SLC6A11: variants seen among roughly 807,000 people sequenced by gnomAD.
The protein encoded by SLC6A11 is sodium- and chloride-dependent GABA transporter 3.
SLC6A11 carries 25 observed loss-of-function variants against 74.8 expected under a neutral mutation model. The observed-to-expected ratio is 0.33, with a 90% confidence interval of 0.24 to 0.47. The LOEUF (loss-of-function observed/expected upper bound fraction) is 0.47. Among genes scored for constraint, SLC6A11 ranks in the 20% least tolerant of loss-of-function variants. The pLI, the probability that SLC6A11 is intolerant of heterozygous loss-of-function variation, is 1.00. For synonymous variants in SLC6A11, 330 were observed against 330.2 expected (o/e 1.00, Z 0.01); for missense variants, 574 against 837.0 (o/e 0.69, Z 3.88).
intron 5 of SLC6A11, among the ~76,000 whole-genome samples, chr3:10,862,111 C>A (rs1694709739): frequency 6.6e-6 from 1 of 152,152 alleles, no homozygotes; most frequent in Admixed American, 6.5e-5. Context: ...CTGGCAGTGT[C>A]CCCCCACTGG....
chr3:10,878,640 C>T (rs1273071000), intron 6 of SLC6A11, among the ~76,000 whole-genome samples: 1 of 151,434 alleles, frequency 6.6e-6, no homozygotes, highest in African/African-American at 2.4e-5. Context: ...GTCTCAAACT[C>T]CTGACCTCGT....
chr3:10,867,873 T>G (rs555250660), intron 5 of SLC6A11, among the ~76,000 whole-genome samples: 65 of 152,324 alleles, frequency 4.3e-4, no homozygotes, highest in Admixed American at 2.5e-3. Flanking sequence ...CTCAGAGTCT[T>G]TGGCTAGAAT....
intron 6 of SLC6A11, among the ~76,000 whole-genome samples, chr3:10,879,469 A>G (rs909876676): frequency 6.6e-6 from 1 of 152,158 alleles, no homozygotes; most frequent in Non-Finnish European, 1.5e-5. Context: ...ACTGGTTTCC[A>G]TTCCTGCTCT....
chr3:10,936,379 C>T (rs1575710826), intron 13 of SLC6A11, among the ~76,000 whole-genome samples: 1 of 152,346 alleles, frequency 6.6e-6, no homozygotes, highest in Admixed American at 6.5e-5. Flanking sequence ...ACCAGTTGCA[C>T]TCCACTGTGT....
chr3:10,875,363 C>T (rs112995884), intron 6 of SLC6A11, among the ~76,000 whole-genome samples: 1 of 152,154 alleles, frequency 6.6e-6, no homozygotes, highest in African/African-American at 2.4e-5. Context: ...TAGCCAGATC[C>T]AGCAGCAAGT....
chr3:10,844,922 A>G (rs6798171), intron 5 of SLC6A11, among the ~76,000 whole-genome samples: 49,717 of 152,022 alleles, frequency 0.33, 8,401 homozygotes, highest in South Asian at 0.51. Context: ...GGAGTTACAC[A>G]TGGCTCTTCC....
chr3:10,894,319 G>A (rs1695144655), intron 6 of SLC6A11, among the ~76,000 whole-genome samples: 1 of 152,224 alleles, frequency 6.6e-6, no homozygotes, highest in South Asian at 2.1e-4. Flanking sequence ...CTGAAGGCTG[G>A]CAGGACCTGA....
intron 4 of SLC6A11, among the ~76,000 whole-genome samples, chr3:10,829,602 GC>G (rs1467123836): frequency 6.6e-6 from 1 of 152,166 alleles, no homozygotes; most frequent in Non-Finnish European, 1.5e-5. Flanking sequence ...AGTTTAAGCA[GC>G]TGCCCCTTCC....
chr3:10,932,571 G>C (rs543110643), intron 10 of SLC6A11, among the ~76,000 whole-genome samples: 6 of 152,184 alleles, frequency 3.9e-5, no homozygotes, highest in Non-Finnish European at 8.8e-5. Context: ...GAGCTTACCA[G>C]GTGAAAGGGA....
intron 6 of SLC6A11, among the ~76,000 whole-genome samples, chr3:10,882,464 C>T (rs1356208010): frequency 1.3e-5 from 2 of 152,164 alleles, no homozygotes; most frequent in Admixed American, 1.3e-4. Context: ...CAGTTTGCAT[C>T]ACCGTTCTCC....
chr3:10,858,471 C>A (rs1694664312), intron 5 of SLC6A11, among the ~76,000 whole-genome samples: 1 of 152,144 alleles, frequency 6.6e-6, no homozygotes, highest in South Asian at 2.1e-4. Flanking sequence ...TAGTTATTTG[C>A]CATCAAATGC....
intron 5 of SLC6A11, among the ~76,000 whole-genome samples, chr3:10,873,780 G>A (rs141768350): frequency 1.4e-3 from 183 of 126,560 alleles, no homozygotes; most frequent in African/African-American, 5.1e-3. Context: ...GTCCTGTCCT[G>A]TCCTATCCTA....
intron 4 of SLC6A11, among the ~76,000 whole-genome samples, chr3:10,831,484 T>A (rs922025665): frequency 1.3e-5 from 2 of 152,086 alleles, no homozygotes; most frequent in African/African-American, 4.8e-5. Context: ...AAAGGTGAGC[T>A]GTAGCATGTT....
chr3:10,866,308 C>T (rs1694762111), intron 5 of SLC6A11, among the ~76,000 whole-genome samples: 1 of 152,194 alleles, frequency 6.6e-6, no homozygotes, highest in Admixed American at 6.5e-5. Context: ...ACATAGATGG[C>T]CACGCCCACC....
chr3:10,877,131 A>C (rs1433149316), intron 6 of SLC6A11, among the ~76,000 whole-genome samples: 5 of 152,178 alleles, frequency 3.3e-5, no homozygotes, highest in Non-Finnish European at 7.3e-5. Context: ...ATAATGTTTT[A>C]TTGGAACACA....
intron 5 of SLC6A11, among the ~76,000 whole-genome samples, chr3:10,844,559 A>T (rs556552111): frequency 6.6e-6 from 1 of 152,300 alleles, no homozygotes; most frequent in East Asian, 1.9e-4. Context: ...GCCTCAGTGT[A>T]CGTGACTATG....
chr3:10,842,244 A>T (rs1694448068), intron 4 of SLC6A11, among the ~76,000 whole-genome samples: 1 of 152,182 alleles, frequency 6.6e-6, no homozygotes, highest in African/African-American at 2.4e-5. Flanking sequence ...TTTAAAAATG[A>T]TTCAGGTGGC....
chr3:10,858,427 A>G (rs1008309145), intron 5 of SLC6A11, among the ~76,000 whole-genome samples: 1 of 152,168 alleles, frequency 6.6e-6, no homozygotes, highest in Non-Finnish European at 1.5e-5. Flanking sequence ...CTGTGTGAGG[A>G]TGGTCCCCCA....
chr3:10,829,329 C>A (rs1487246954), intron 4 of SLC6A11, among the ~76,000 whole-genome samples: 1 of 152,222 alleles, frequency 6.6e-6, no homozygotes, highest in African/African-American at 2.4e-5. Flanking sequence ...CACAGGGTCC[C>A]TTCCAGCCTC....
Sources: gnomAD v4.1 joint callset for allele counts (sites outside exome capture counted in the v4.1 genomes callset) on GRCh38, gnomAD v4.1.1 for gene constraint, MANE v1.5 for transcripts, NCBI Gene and HGNC (gene_info 2026-07-23, HGNC 2026-07-21) for gene names.